UGT1A8: variants seen among roughly 807,000 people sequenced by gnomAD.
The protein encoded by UGT1A8 is UDP-glucuronosyltransferase 1A8.
A neutral mutation model predicts 45.3 loss-of-function variants in UGT1A8; 39 were observed. The observed-to-expected ratio is 0.86, with a 90% confidence interval of 0.67 to 1.12. The LOEUF (loss-of-function observed/expected upper bound fraction) is 1.12. UGT1A8 is among the 50% of genes most tolerant of loss of function. The pLI is 0.00. For missense variants in UGT1A8, 719 were observed against 664.9 expected, an observed-to-expected ratio of 1.08 and a Z score of -0.90; for synonymous variants, 275 against 249.2, an observed-to-expected ratio of 1.10 and a Z score of -0.97.
chr2:233,639,079 C>T (rs1384591163), intron 1 of UGT1A8, among the ~76,000 whole-genome samples: 2 of 152,076 alleles, frequency 1.3e-5, no homozygotes, highest in Non-Finnish European at 2.9e-5. Context: ...CACAGGGTCA[C>T]CTAGAGGCCT....
chr2:233,767,203 C>T, intron 2 of UGT1A8, 38 bp downstream of exon 2: 1 of 1,613,332 alleles, frequency 6.2e-7, no homozygotes, highest in African/African-American at 1.3e-5. Flanking sequence ...TATCTATTTT[C>T]ACAGGAGCGC....
At chr2:233,621,852 G>A (rs1033096281) in intron 1 of UGT1A8, among the ~76,000 whole-genome samples, 1 of 152,046 alleles carries the variant, frequency 6.6e-6, no homozygotes, top group Non-Finnish European at 1.5e-5. Flanking sequence ...TTTACATTAG[G>A]TATTTCTCCT....
intron 1 of UGT1A8, among the ~76,000 whole-genome samples, chr2:233,627,624 T>TCTTCCTTCCTTTCTTC (rs2073108700): frequency 8.9e-6 from 1 of 112,020 alleles, no homozygotes; most frequent in Non-Finnish European, 1.9e-5. Flanking sequence ...TTCCTTCCTT[T>TCTTCCTTCCTTTCTTC]CTTCCTTCCT....
In UGT1A8 at chr2:233,617,924, A is replaced by C. The variant is rs1575379510; in HGVS notation, c.217A>C (p.Thr73Pro). The stretch of plus-strand genomic sequence containing the variant: ...GCAACTGGGAAAATCACTGAATTGC[A>C]CAGTGAAGACTTACTCAACCTCATA... Reference protein sequence around the residue: ...SWQLGKSLNCTVKTYSTSYTL... With the variant: ...SWQLGKSLNCPVKTYSTSYTL... The change falls in exon 1 of 5, where the codon ACA becomes CCA. Residue 73 changes from threonine (T) to proline (P), a missense_variant. Coordinates refer to ENST00000373450, the MANE Select transcript of UGT1A8 (RefSeq NM_019076.5). 6.2e-7 allele frequency: 1 copy of C among 1,614,186 alleles called. No homozygotes were observed.
chr2:233,643,954 T>G (rs2073530274), intron 1 of UGT1A8, among the ~76,000 whole-genome samples: 1 of 152,052 alleles, frequency 6.6e-6, no homozygotes, highest in Non-Finnish European at 1.5e-5. Flanking sequence ...CTTTTCCCTC[T>G]CCTCTCCTCA....
chr2:233,647,920 C>T, intron 1 of UGT1A8: 1 of 1,597,246 alleles, frequency 6.3e-7, no homozygotes, highest in South Asian at 1.1e-5. Flanking sequence ...GAAGGTAGAT[C>T]ACTCACTGCC....
At chr2:233,676,623 G>A (rs761489651) in intron 1 of UGT1A8, among the ~76,000 whole-genome samples, 5 of 152,126 alleles carry the variant, frequency 3.3e-5, no homozygotes, top group Non-Finnish European at 5.9e-5. Flanking sequence ...AGCCTGTGAC[G>A]GTTTCTCAGA....
chr2:233,694,201 A>G (rs765076556), intron 1 of UGT1A8, among the ~76,000 whole-genome samples: 78 of 152,126 alleles, frequency 5.1e-4, no homozygotes, highest in Non-Finnish European at 2.2e-4. Flanking sequence ...TCCAGGTTAA[A>G]ATCCATTTTC....
At chr2:233,727,635 G>A (rs920148460) in intron 1 of UGT1A8, among the ~76,000 whole-genome samples, 17 of 152,184 alleles carry the variant, frequency 1.1e-4, no homozygotes, top group Non-Finnish European at 1.5e-4. Flanking sequence ...TGCACCCACA[G>A]CTGAGAATCC....
intron 1 of UGT1A8, chr2:233,713,868 G>A: frequency 6.2e-7 from 1 of 1,613,750 alleles, no homozygotes; most frequent in Non-Finnish European, 8.5e-7. Flanking sequence ...GGTCTGTATT[G>A]GTGCCTTTAT....
At chr2:233,667,361 C>T (rs981209331) in intron 1 of UGT1A8, among the ~76,000 whole-genome samples, 4 of 152,182 alleles carry the variant, frequency 2.6e-5, no homozygotes, top group African/African-American at 7.2e-5. Flanking sequence ...CCCTTCCTTA[C>T]ACCTTATACA....
intron 1 of UGT1A8, chr2:233,729,951 C>A (rs1214180861): frequency 6.2e-7 from 1 of 1,613,942 alleles, no homozygotes; most frequent in East Asian, 2.2e-5. Context: ...ACATGGTCTT[C>A]ATTGGGGGCA....
intron 1 of UGT1A8, among the ~76,000 whole-genome samples, chr2:233,714,816 G>C: frequency 6.6e-6 from 1 of 152,208 alleles, no homozygotes; most frequent in Non-Finnish European, 1.5e-5. Context: ...TATGTAGTTA[G>C]TGACAACAAT....
At chr2:233,691,449 C>T (rs1372399366) in intron 1 of UGT1A8, 3 of 985,606 alleles carry the variant, frequency 3.0e-6, no homozygotes, top group South Asian at 4.7e-5. Flanking sequence ...CTTCTCCCTT[C>T]CTGGGCCCCA....
intron 1 of UGT1A8, among the ~76,000 whole-genome samples, chr2:233,676,997 A>AT (rs1303405574): frequency 1.6e-4 from 24 of 149,520 alleles, no homozygotes; most frequent in South Asian, 4.3e-4. Context: ...GTTACCTCTA[A>AT]TTTTTTTTTT....
rs34358487 is a variant in UGT1A8, at chr2:233,769,432, CAT to C, written c.1295+994_1295+995del. The C allele has an allele frequency of 1.6e-5, 25 of 1,545,990 alleles. No homozygotes were observed. In the East Asian group the frequency reaches 1.8e-4, roughly 11 times the overall value. ...GTGCGTTTGTGCATGTGGCTGTGCT[CAT>C]GTGTGGGTGCACACGTGTGCATTCA... On this transcript the variant is annotated intron_variant, in intron 4 of 4. Coordinates refer to ENST00000373450, the MANE Select transcript of UGT1A8 (RefSeq NM_019076.5). The surrounding 1 kb of genome is among the most constrained non-coding windows in gnomAD (Gnocchi z 4.4).
At chr2:233,619,333 A>G (rs912598277) in intron 1 of UGT1A8, among the ~76,000 whole-genome samples, 1 of 152,152 alleles carries the variant, frequency 6.6e-6, no homozygotes, top group East Asian at 1.9e-4. Context: ...TTTTAAACCA[A>G]TTAATATTGA....
rs200752387 is a variant in UGT1A8, at chr2:233,752,746, A to AAAACAAAC, written c.856-14269_856-14262dup. On this transcript the variant is annotated intron_variant, in intron 1 of 4. Coordinates refer to ENST00000373450, the MANE Select transcript of UGT1A8 (RefSeq NM_019076.5). ...AGCTACAGAGAGAGACCCTGTCTCT[A>AAAACAAAC]AAACAAACAAACAAACAAACAAACA... Among the ~76,000 whole-genome samples, 41 of 152,308 alleles carry AAAACAAAC rather than the reference A, an allele frequency of 2.7e-4. No individual in the cohort carries two copies. The East Asian group carries it at 7.3e-3, about 27-fold the overall frequency.
At position 233,769,393 on chromosome 2, in the gene UGT1A8, G is replaced by A. The variant is rs767407915; in HGVS notation, c.1295+954G>A. ...GATTTCATCCGACAATAGATACTGT[G>A]TGCATATGTGCGTGTGCGTTTGTGC... is the stretch of plus-strand genomic sequence containing the variant. On this transcript the variant is annotated intron_variant, in intron 4 of 4. Transcript: ENST00000373450. This position sits in a 1 kb window ranked among gnomAD's most constrained non-coding sequence, Gnocchi z 4.4. 2.7e-5 allele frequency: 30 copies of A among 1,098,632 alleles called. No homozygotes were observed. Among genetic ancestry groups the A allele is most frequent in the Non-Finnish European group, 3.5e-5 (26 of 750,310 alleles). 68.1% of individuals were successfully genotyped at this position (1,098,632 alleles called of 1,614,324 possible).
Sources: allele counts gnomAD v4.1 joint callset (sites outside exome capture counted in the v4.1 genomes callset), GRCh38; gene constraint gnomAD v4.1.1; non-coding constraint Gnocchi (gnomAD v3.1); transcripts MANE v1.5; gene names NCBI Gene and HGNC (gene_info 2026-07-23, HGNC 2026-07-21).